VWA3A: variants seen among roughly 807,000 people sequenced by gnomAD.
VWA3A encodes von Willebrand factor A domain containing 3A, also known as von Willebrand factor A domain-containing protein 3A.
In VWA3A, 134 loss-of-function variants were observed where a neutral mutation model predicts 160.4. That is an observed-to-expected ratio of 0.84 (90% CI 0.73 to 0.96). The LOEUF is 0.96. Ranked by LOEUF, VWA3A falls within the 40% of genes least tolerant of loss-of-function variation. The pLI, the probability that VWA3A is intolerant of heterozygous loss-of-function variation, is 0.00. For missense variants in VWA3A, 1,310 were observed against 1,447.9 expected (o/e 0.90, Z 1.55); for synonymous variants, 476 against 543.4 (o/e 0.88, Z 1.72).
chr16:22,139,496 C>T (rs1246345775), intron 22 of VWA3A, among the ~76,000 whole-genome samples: 6 of 152,128 alleles, frequency 3.9e-5, no homozygotes, highest in Non-Finnish European at 4.4e-5. Flanking sequence ...GAGATCAAGA[C>T]CATCCTGGCC....
intron 3 of VWA3A, among the ~76,000 whole-genome samples, chr16:22,098,170 T>G (rs1172440545): frequency 6.6e-6 from 1 of 152,198 alleles, no homozygotes; most frequent in Non-Finnish European, 1.5e-5. Flanking sequence ...GAACTCAGAA[T>G]TCATTCTACC....
intron 29 of VWA3A, 71 bp downstream of exon 29, chr16:22,150,002 A>AT: frequency 6.7e-7 from 1 of 1,489,426 alleles, no homozygotes; most frequent in Non-Finnish European, 9.0e-7. Context: ...ATGCTGCACG[A>AT]TGCTTTAGGA....
intron 17 of VWA3A, among the ~76,000 whole-genome samples, chr16:22,129,829 T>G (rs970185297): frequency 6.6e-6 from 1 of 150,808 alleles, no homozygotes; most frequent in Non-Finnish European, 1.5e-5. Context: ...CCCAGAGAGG[T>G]GGGAGGAAAA....
At chr16:22,115,909 GGA>G (rs2045628819) in intron 9 of VWA3A, among the ~76,000 whole-genome samples, 1 of 35,414 alleles carries the variant, frequency 2.8e-5, no homozygotes, top group Admixed American at 2.9e-4. Context: ...AAGGAAGGAA[GGA>G]AGGAAGGAAG....
chr16:22,134,512 A>C, intron 21 of VWA3A, 74 bp downstream of exon 21: 1 of 1,306,458 alleles, frequency 7.7e-7, no homozygotes, highest in Non-Finnish European at 1.1e-6. Flanking sequence ...AACTGCCACA[A>C]ACTGGGTGGC....
At position 22,121,113 on chromosome 16, in the gene VWA3A, C is replaced by T; in HGVS notation, c.1252+10C>T. On this transcript the variant is annotated intron_variant, in intron 13 of 33. Transcript: ENST00000389398. ...GTCAATGGTCTGAAAGGTAAATCTC[C>T]AAAGAGGGCAGAACCCAGGAAACAG... 1 of 1,613,800 alleles carries T rather than the reference C, an allele frequency of 6.2e-7. No individual in the cohort carries two copies.
intron 22 of VWA3A, 153 bp downstream of exon 22, chr16:22,138,665 G>T: frequency 9.7e-7 from 1 of 1,034,978 alleles, no homozygotes; most frequent in East Asian, 2.7e-5. Context: ...AGGCCTCCAG[G>T]GGGAAAATCT....
At chr16:22,115,926 GGAAA>G (rs2045631751) in intron 9 of VWA3A, among the ~76,000 whole-genome samples, 1 of 30,852 alleles carries the variant, frequency 3.2e-5, no homozygotes, top group Admixed American at 3.7e-4. Flanking sequence ...AGGAAGGAAA[GGAAA>G]GGAAAGGAAG....
intron 19 of VWA3A, among the ~76,000 whole-genome samples, 162 bp downstream of exon 19, chr16:22,131,891 C>T (rs975463041): frequency 2.0e-5 from 3 of 152,068 alleles, no homozygotes; most frequent in Admixed American, 6.5e-5. Flanking sequence ...AAATGCAGGC[C>T]CTGGAGACCA....
intron 2 of VWA3A, 77 bp downstream of exon 2, chr16:22,097,022 G>C: frequency 1.0e-6 from 1 of 963,958 alleles, no homozygotes; most frequent in Non-Finnish European, 1.5e-6. Flanking sequence ...CTGGAGTGCA[G>C]TGGCACAATC....
Position 22,152,543 on chromosome 16 carries a change from C to T in VWA3A, c.3314C>T (p.Ser1105Phe). 1 of 1,612,782 alleles carries T rather than the reference C, an allele frequency of 6.2e-7. No homozygotes were observed. The highest frequency in any genetic ancestry group is 1.1e-5 in the South Asian group (1 of 90,784). Residue 1105 changes from serine (S) to phenylalanine (F), a missense_variant, in exon 31 of 34, where the codon TCC (serine) becomes TTC (phenylalanine). Physicochemically the swap from Ser to Phe is radical, Grantham distance 155. Coordinates refer to ENST00000389398, the MANE Select transcript of VWA3A (RefSeq NM_173615.5). The stretch of plus-strand genomic sequence containing the variant: ...GTTGAGTTCCTGAGAAAGCTGGCTT[C>T]CTTCACCGGCGGACGCTATCACTGC... Reference protein sequence around the residue: ...AAVEFLRKLASFTGGRYHCPV... With the variant: ...AAVEFLRKLAFFTGGRYHCPV...
At chr16:22,129,100 T>A (rs2045901658) in intron 17 of VWA3A, among the ~76,000 whole-genome samples, 1 of 151,136 alleles carries the variant, frequency 6.6e-6, no homozygotes, top group Non-Finnish European at 1.5e-5. Flanking sequence ...AAGAAAGAGG[T>A]GCATGGAGGC....
chr16:22,130,896 G>A (rs2045935401), intron 17 of VWA3A, among the ~76,000 whole-genome samples: 1 of 152,090 alleles, frequency 6.6e-6, no homozygotes, highest in African/African-American at 2.4e-5. Context: ...ACTATAGTAT[G>A]GATAGGGAGG....
At chr16:22,115,846 GAA>G in intron 9 of VWA3A, among the ~76,000 whole-genome samples, 1 of 3,064 alleles carries the variant, frequency 3.3e-4, no homozygotes, top group Admixed American at 2.0e-3. Flanking sequence ...AGGAAGGAAG[GAA>G]GGAAGGAAGG....
intron 8 of VWA3A, among the ~76,000 whole-genome samples, chr16:22,111,640 C>A (rs1156676369): frequency 6.6e-6 from 1 of 152,080 alleles, no homozygotes; most frequent in Non-Finnish European, 1.5e-5. Context: ...CACTACCACG[C>A]CCAGCTAATT....
In VWA3A at chr16:22,129,928, C is replaced by T. The variant is rs774359660; in HGVS notation, c.1653-1277C>T. Among the ~76,000 whole-genome samples, 27 of 152,072 alleles carry T rather than the reference C, an allele frequency of 1.8e-4. 1 individual carries two copies. Among genetic ancestry groups the T allele is most frequent in the Non-Finnish European group, 3.5e-4 (24 of 67,996 alleles). The stretch of plus-strand genomic sequence containing the variant: ...GAAGGTCGGGCGCGGTGGCTCACCC[C>T]TGTAATCCCAGCACTTTGAGAGGAT... On this transcript the variant is annotated intron_variant, in intron 17 of 33. Coordinates refer to ENST00000389398, the MANE Select transcript of VWA3A (RefSeq NM_173615.5).
chr16:22,145,779 CAA>C (rs71151663), intron 26 of VWA3A, among the ~76,000 whole-genome samples: 250 of 144,520 alleles, frequency 1.7e-3, no homozygotes, highest in African/African-American at 6.1e-3. Context: ...AGGCTTTAAA[CAA>C]AAAAAAAAAA....
chr16:22,104,022 G>A (rs73533990), intron 6 of VWA3A, among the ~76,000 whole-genome samples: 2,426 of 152,256 alleles, frequency 0.016, 81 homozygotes, highest in African/African-American at 0.055. Flanking sequence ...AGCCCTCATG[G>A]ACTGAAAAAG....
chr16:22,153,299 C>T (rs1019655939), intron 31 of VWA3A, among the ~76,000 whole-genome samples: 4 of 152,142 alleles, frequency 2.6e-5, no homozygotes, highest in Non-Finnish European at 5.9e-5. Context: ...GCCGAGATTG[C>T]GCCACTGCAC....
Sources: gnomAD v4.1 joint callset for allele counts (sites outside exome capture counted in the v4.1 genomes callset) on GRCh38, gnomAD v4.1.1 for gene constraint, MANE v1.5 for transcripts, NCBI Gene and HGNC (gene_info 2026-07-23, HGNC 2026-07-21) for gene names.